The following KLHL1 variants were observed in gnomAD, a reference collection of about 807,000 sequenced individuals.
The protein encoded by KLHL1 is kelch-like protein 1.
A neutral mutation model predicts 77.7 loss-of-function variants in KLHL1; 47 were observed. That is an observed-to-expected ratio of 0.60 (90% confidence interval 0.48 to 0.77). The LOEUF (loss-of-function observed/expected upper bound fraction) is 0.77, where lower values mean the gene tolerates loss of function less well. Ranked by LOEUF, KLHL1 falls within the 30% of genes least tolerant of loss-of-function variation. The probability of loss-of-function intolerance (pLI) is 0.00; values close to 1 mark genes in which losing one functional copy is unlikely to be tolerated. For synonymous variants in KLHL1, 360 were observed against 325.2 expected, an observed-to-expected ratio of 1.11 and a Z score of -1.15; for missense variants, 925 against 910.8, an observed-to-expected ratio of 1.02 and a Z score of -0.20.
At chr13:69,842,973 G>A (rs1017350422) in intron 5 of KLHL1, among the ~76,000 whole-genome samples, 2 of 151,668 alleles carry the variant, frequency 1.3e-5, no homozygotes, top group Non-Finnish European at 2.9e-5. Flanking sequence ...CTTTTATGTG[G>A]GAGTTAAGAA....
At chr13:69,945,078 C>T (rs889399432) in intron 3 of KLHL1, among the ~76,000 whole-genome samples, 1 of 148,408 alleles carries the variant, frequency 6.7e-6, no homozygotes. Flanking sequence ...CTCCACCTCC[C>T]GGGTTCAAGT....
At chr13:69,763,182 G>A (rs954319671) in intron 7 of KLHL1, among the ~76,000 whole-genome samples, 24 of 152,170 alleles carry the variant, frequency 1.6e-4, no homozygotes, top group Non-Finnish European at 3.2e-4. Context: ...TCTTACTAGA[G>A]TTGTGCTAGG....
intron 4 of KLHL1, among the ~76,000 whole-genome samples, chr13:69,902,508 A>G (rs1315137649): frequency 6.6e-6 from 1 of 152,206 alleles, no homozygotes; most frequent in Non-Finnish European, 1.5e-5. Context: ...GGAGAACTAC[A>G]GTACTGAAAG....
At chr13:69,769,730 G>A (rs1172277271) in intron 7 of KLHL1, among the ~76,000 whole-genome samples, 1 of 152,074 alleles carries the variant, frequency 6.6e-6, no homozygotes, top group Non-Finnish European at 1.5e-5. Context: ...AGAAAAGAGG[G>A]CTGCCCACTT....
chr13:69,710,263 AC>A (rs1210130535), intron 9 of KLHL1, among the ~76,000 whole-genome samples: 2 of 151,840 alleles, frequency 1.3e-5, no homozygotes, highest in Non-Finnish European at 2.9e-5. Context: ...AAAAATACTA[AC>A]CTGCAATCAG....
chr13:70,028,070 G>T (rs1252530328), intron 1 of KLHL1, among the ~76,000 whole-genome samples: 1 of 152,048 alleles, frequency 6.6e-6, no homozygotes, highest in East Asian at 1.9e-4. Flanking sequence ...GTGTAGGTAA[G>T]GTCAGAAAAA....
intron 6 of KLHL1, among the ~76,000 whole-genome samples, chr13:69,818,473 C>A (rs1878211568): frequency 6.6e-6 from 1 of 152,026 alleles, no homozygotes; most frequent in South Asian, 2.1e-4. Flanking sequence ...CCCACCTCGG[C>A]CTCCCAAAGT....
intron 4 of KLHL1, 74 bp downstream of exon 4, chr13:69,939,966 G>T: frequency 1.7e-6 from 2 of 1,192,008 alleles, no homozygotes; most frequent in Non-Finnish European, 2.3e-6. Flanking sequence ...ACTTGCTAAT[G>T]CCATGACAGT....
chr13:70,041,074 T>G (rs1423404523), intron 1 of KLHL1, among the ~76,000 whole-genome samples: 1 of 152,200 alleles, frequency 6.6e-6, no homozygotes, highest in African/African-American at 2.4e-5. Context: ...AATTGTATAT[T>G]GTATAATTTC....
chr13:69,898,883 GATT>G (rs1881748578), intron 4 of KLHL1, among the ~76,000 whole-genome samples: 1 of 152,144 alleles, frequency 6.6e-6, no homozygotes, highest in Non-Finnish European at 1.5e-5. Flanking sequence ...ACTCACCATT[GATT>G]ATAAGTGGTC....
intron 9 of KLHL1, among the ~76,000 whole-genome samples, chr13:69,717,030 C>A (rs1000518985): frequency 2.0e-5 from 3 of 152,086 alleles, no homozygotes; most frequent in African/African-American, 7.2e-5. Context: ...CAGTCCCTGC[C>A]TTCTACCTTC....
At chr13:70,052,565 T>C (rs1886654590) in intron 1 of KLHL1, among the ~76,000 whole-genome samples, 2 of 151,962 alleles carry the variant, frequency 1.3e-5, no homozygotes, top group Admixed American at 1.3e-4. Context: ...AAATGCCATA[T>C]TTTAATATTA....
intron 9 of KLHL1, among the ~76,000 whole-genome samples, chr13:69,710,330 C>T (rs904198155): frequency 6.6e-6 from 1 of 151,726 alleles, no homozygotes; most frequent in African/African-American, 2.4e-5. Context: ...AATTTTAATG[C>T]GTTTGTTGGA....
chr13:69,762,801 G>A (rs1457600569), intron 7 of KLHL1, among the ~76,000 whole-genome samples: 2 of 151,374 alleles, frequency 1.3e-5, no homozygotes, highest in Admixed American at 1.3e-4. Flanking sequence ...TGGAAAAGGG[G>A]TCTTGTGTGC....
At chr13:69,851,753 A>G (rs1347210179) in intron 5 of KLHL1, among the ~76,000 whole-genome samples, 1 of 151,686 alleles carries the variant, frequency 6.6e-6, no homozygotes, top group Admixed American at 6.6e-5. Flanking sequence ...CAAGCTCCCA[A>G]GTTATCATTT....
intron 7 of KLHL1, among the ~76,000 whole-genome samples, chr13:69,792,063 C>G (rs930412856): frequency 2.0e-5 from 3 of 152,064 alleles, no homozygotes; most frequent in Non-Finnish European, 4.4e-5. Flanking sequence ...CACCATGGCA[C>G]ATGTTTACCT....
intron 6 of KLHL1, among the ~76,000 whole-genome samples, chr13:69,819,618 A>G (rs1186293225): frequency 2.3e-5 from 2 of 88,436 alleles, no homozygotes; most frequent in South Asian, 2.5e-4. Context: ...GAGGTAATGC[A>G]AAAAAAAAAA....
chr13:70,105,267 G>GT (rs1377284337), intron 1 of KLHL1, among the ~76,000 whole-genome samples: 2 of 151,770 alleles, frequency 1.3e-5, no homozygotes, highest in African/African-American at 4.8e-5. Context: ...TAAGTCTGGT[G>GT]TTTTTTCCCT....
chr13:69,905,435 A>G (rs1461001353), intron 4 of KLHL1, among the ~76,000 whole-genome samples: 1 of 152,068 alleles, frequency 6.6e-6, no homozygotes, highest in Non-Finnish European at 1.5e-5. Context: ...CATATCCCTT[A>G]TAGTTACTAA....
Sources: gnomAD v4.1 joint callset for allele counts (sites outside exome capture counted in the v4.1 genomes callset) on GRCh38, gnomAD v4.1.1 for gene constraint, MANE v1.5 for transcripts, NCBI Gene and HGNC (gene_info 2026-07-23, HGNC 2026-07-21) for gene names.